The following COL4A6 variants were observed in gnomAD, a reference collection of about 807,000 sequenced individuals.
The protein encoded by COL4A6 is collagen type IV alpha 6 chain.
A neutral mutation model predicts 126.7 loss-of-function variants in COL4A6; 59 were observed. The ratio of observed to expected loss-of-function variants is 0.47; its 90% CI spans 0.38 to 0.58. The LOEUF is 0.58. COL4A6 is among the 20% of genes least tolerant of loss of function. COL4A6 has a pLI of 0.00. For missense variants in COL4A6, 1,285 were observed against 1,337.3 expected (o/e 0.96, Z 0.61); for synonymous variants, 547 against 496.6 (o/e 1.10, Z -1.35).
intron 2 of COL4A6, among the ~76,000 whole-genome samples, chrX:108,356,926 C>T (rs1008873634): frequency 5.4e-5 from 6 of 110,462 alleles, no homozygotes; most frequent in Non-Finnish European, 1.1e-4. Flanking sequence ...CTAAAAATGC[C>T]GGCAGACATT....
intron 2 of COL4A6, among the ~76,000 whole-genome samples, chrX:108,411,099 T>C (rs2041318695): frequency 8.9e-6 from 1 of 112,072 alleles, no homozygotes; most frequent in Non-Finnish European, 1.9e-5. Flanking sequence ...AATGAATAAA[T>C]TGCATTTCAA....
At chrX:108,297,117 A>G (rs894953202) in intron 3 of COL4A6, among the ~76,000 whole-genome samples, 1 of 111,878 alleles carries the variant, frequency 8.9e-6, no homozygotes, top group Non-Finnish European at 1.9e-5. Flanking sequence ...TATTTCAAGA[A>G]ATTATGCTAT....
Position 108,190,420 on chromosome X carries a change from T to C in COL4A6, c.1398A>G (p.Lys466=). 1 of 1,206,385 alleles carries C rather than the reference T, an allele frequency of 8.3e-7. No homozygotes were observed. Among genetic ancestry groups the C allele is most frequent in the Non-Finnish European group, 1.1e-6 (1 of 891,311 alleles). Residue 466 remains lysine (K), a synonymous_variant, in exon 20 of 45, where the codon AAA becomes AAG. Coordinates refer to ENST00000334504, the MANE Select transcript of COL4A6 (RefSeq NM_033641.4). ...FPGLRGEQGP[K]GNLGLKGIKG... ...TTATTCCTTTGAGGCCTAGGTTTCC[T>C]TTTGGACCTTGTTCTCCTCGGAGAC...
intron 25 of COL4A6, 30 bp from the exon 26 acceptor site, chrX:108,179,468 C>T: frequency 8.9e-7 from 1 of 1,124,452 alleles, no homozygotes; most frequent in Non-Finnish European, 1.2e-6. Context: ...CATAAAAGAC[C>T]ATGGCTGTTT....
At chrX:108,385,005 C>G (rs1384080231) in intron 2 of COL4A6, among the ~76,000 whole-genome samples, 2 of 110,980 alleles carry the variant, frequency 1.8e-5, no homozygotes, top group Non-Finnish European at 3.8e-5. Flanking sequence ...ACCGCCTTAT[C>G]TGTGGGGGAT....
At chrX:108,181,007 G>A in intron 23 of COL4A6, 39 bp from the exon 24 acceptor site, 4 of 1,112,851 alleles carry the variant, frequency 3.6e-6, no homozygotes, top group Non-Finnish European at 4.9e-6. Flanking sequence ...TGAACCCAGA[G>A]TTAGGGAAGA....
upstream of COL4A6, chrX:108,438,518 C>T (rs2064317046): frequency 2.1e-6 from 2 of 946,302 alleles, no homozygotes; most frequent in African/African-American, 2.0e-5. Context: ...GGTAGTCTTT[C>T]TCACTTTCAG....
chrX:108,336,894 C>T lies in COL4A6; in HGVS notation c.64-26066G>A, dbSNP rs1321669394. 1.0e-4 allele frequency among the ~76,000 whole-genome samples: 11 copies of T among 110,470 alleles called. No homozygotes were observed. In the Admixed American group the frequency reaches 1.1e-3, roughly 11 times the overall value. ...CTGGGCTCATTTCCCTTCTCTTTAC[C>T]CTAACTCCTACTTTTCCTTCCTTGT... On this transcript the variant is annotated intron_variant, in intron 2 of 44. Transcript: ENST00000334504.
At chrX:108,200,037 A>G (rs967315288) in intron 13 of COL4A6, among the ~76,000 whole-genome samples, 5 of 112,068 alleles carry the variant, frequency 4.5e-5, no homozygotes, top group Non-Finnish European at 9.4e-5. Flanking sequence ...CACCTTGCTT[A>G]CCTCACAGGG....
At chrX:108,342,811 C>T (rs180682505) in intron 2 of COL4A6, among the ~76,000 whole-genome samples, 324 of 110,340 alleles carry the variant, frequency 2.9e-3, no homozygotes, top group African/African-American at 0.01. Flanking sequence ...TGGAATTAGA[C>T]AGTTATATAG....
intron 3 of COL4A6, among the ~76,000 whole-genome samples, chrX:108,243,317 CTGTAT>C (rs1442433961): frequency 9.2e-6 from 1 of 108,160 alleles, no homozygotes; most frequent in African/African-American, 3.4e-5. Context: ...CCCCATGTGA[CTGTAT>C]TGGAGATGAG....
In COL4A6 at chrX:108,438,190, G is replaced by C; in HGVS notation, c.7C>G (p.Pro3Ala). Residue 3 changes from proline to alanine, a missense_variant, in exon 1 of 45, where the codon CCT becomes GCT. Physicochemically the swap from Pro to Ala is conservative, Grantham distance 27. Coordinates refer to ENST00000334504, the MANE Select transcript of COL4A6 (RefSeq NM_033641.4). MHPGLWLLLVTLC... is the reference protein window; with the variant it reads MHAGLWLLLVTLC... Reference sequence around the variant, plus strand: ...CTCGGGGCAGCAACAGCTCACCCAGGGTGCATGCTTGCGGCTCCTCCGGAG... The same window carrying C: ...CTCGGGGCAGCAACAGCTCACCCAGCGTGCATGCTTGCGGCTCCTCCGGAG... 1 of 1,195,964 alleles carries C rather than the reference G, an allele frequency of 8.4e-7. No individual in the cohort carries two copies. Among genetic ancestry groups the C allele is most frequent in the Non-Finnish European group, 1.1e-6 (1 of 889,541 alleles).
chrX:108,281,905 C>A (rs1052488685), intron 3 of COL4A6, among the ~76,000 whole-genome samples: 1 of 110,393 alleles, frequency 9.1e-6, no homozygotes, highest in Non-Finnish European at 1.9e-5. Flanking sequence ...AAAGGATTCC[C>A]TATTTAATAA....
intron 8 of COL4A6, among the ~76,000 whole-genome samples, chrX:108,206,939 C>T (rs1229624412): frequency 9.0e-6 from 1 of 111,119 alleles, no homozygotes; most frequent in Non-Finnish European, 1.9e-5. Context: ...TTGTGGTTGC[C>T]TTTGGGGTGA....
chrX:108,180,211 T>C lies in COL4A6; in HGVS notation c.2131+304A>G, dbSNP rs1489076125. 9.0e-5 allele frequency among the ~76,000 whole-genome samples: 10 copies of C among 111,519 alleles called. No individual in the cohort carries two copies. The East Asian group carries it at 2.8e-3, about 32-fold the overall frequency. On this transcript the variant is annotated intron_variant, in intron 25 of 44. Transcript: ENST00000334504. ...ACAACCTGGCAGAGTCCTAGCTCTG[T>C]CACTAGTGGTTTAGTGATCTCGGAC...
intron 2 of COL4A6, among the ~76,000 whole-genome samples, chrX:108,420,819 G>A (rs73533282): frequency 0.073 from 8,137 of 111,142 alleles, 668 homozygotes; most frequent in African/African-American, 0.23. Context: ...CCCAGCTTGA[G>A]ACAAGCAGGT....
chrX:108,373,742 A>T (rs1467022857), intron 2 of COL4A6, among the ~76,000 whole-genome samples: 1 of 111,918 alleles, frequency 8.9e-6, no homozygotes, highest in Non-Finnish European at 1.9e-5. Context: ...CCTTAAGCCC[A>T]CTTCAGTGCT....
At position 108,373,563 on chromosome X, in the gene COL4A6, A is replaced by C. The variant is rs147980691; in HGVS notation, c.64-62735T>G. Among the ~76,000 whole-genome samples the C allele has an allele frequency of 6.0e-3, 667 of 111,065 alleles. 2 individuals carry two copies. Among genetic ancestry groups the C allele is most frequent in the East Asian group, 0.036 (125 of 3,488 alleles). ...GTCTCCTGAATCCCAGTGCAATACT[A>C]TTTTCCCTCCAGTCTCCCTGTCCCT... On this transcript the variant is annotated intron_variant, in intron 2 of 44. Coordinates refer to ENST00000334504, the MANE Select transcript of COL4A6 (RefSeq NM_033641.4).
At chrX:108,247,284 C>T (rs1219074397) in intron 3 of COL4A6, among the ~76,000 whole-genome samples, 1 of 111,850 alleles carries the variant, frequency 8.9e-6, no homozygotes, top group African/African-American at 3.3e-5. Flanking sequence ...TTAATAAGAG[C>T]ACTTGTTTCC....
Sources: allele counts gnomAD v4.1 joint callset (sites outside exome capture counted in the v4.1 genomes callset), GRCh38; gene constraint gnomAD v4.1.1; transcripts MANE v1.5; gene names NCBI Gene and HGNC (gene_info 2026-07-23, HGNC 2026-07-21).